Variants in EPHB2 observed in about 807,000 individuals in gnomAD.
The protein encoded by EPHB2 is EPH receptor B2, also known as ephrin type-B receptor 2.
In EPHB2, 18 loss-of-function variants were observed where a neutral mutation model predicts 96.4. The observed-to-expected ratio is 0.19, with a 90% CI of 0.13 to 0.28. EPHB2 has a LOEUF of 0.28. Ranked by LOEUF, EPHB2 falls within the 10% of genes least tolerant of loss-of-function variation. EPHB2 has a pLI of 1.00. For missense variants in EPHB2, 989 were observed against 1,355.4 expected (o/e 0.73, Z 4.25); for synonymous variants, 506 against 534.1 (o/e 0.95, Z 0.72).
intron 3 of EPHB2, among the ~76,000 whole-genome samples, chr1:22,850,643 C>G (rs907982221): frequency 6.6e-6 from 1 of 152,216 alleles, no homozygotes; most frequent in Non-Finnish European, 1.5e-5. Context: ...GAGGCTGCAG[C>G]CTGATGAGCC....
intron 1 of EPHB2, among the ~76,000 whole-genome samples, chr1:22,713,116 T>C (rs1643198115): frequency 6.6e-6 from 1 of 152,070 alleles, no homozygotes; most frequent in South Asian, 2.1e-4. Flanking sequence ...GGACTGCCAC[T>C]TGGGGGCAGG....
intron 3 of EPHB2, among the ~76,000 whole-genome samples, chr1:22,830,099 T>C (rs1489466536): frequency 3.3e-5 from 5 of 152,100 alleles, no homozygotes; most frequent in African/African-American, 1.2e-4. Context: ...TTTCCTTCCT[T>C]TAGAAACAAG....
intron 3 of EPHB2, among the ~76,000 whole-genome samples, chr1:22,845,731 C>A (rs982098597): frequency 5.9e-5 from 9 of 152,144 alleles, no homozygotes; most frequent in African/African-American, 1.9e-4. Flanking sequence ...CCCACACACA[C>A]ACGTACACAG....
At chr1:22,878,628 C>T (rs1245626344) in intron 5 of EPHB2, among the ~76,000 whole-genome samples, 2 of 152,238 alleles carry the variant, frequency 1.3e-5, no homozygotes, top group Non-Finnish European at 2.9e-5. Flanking sequence ...GCGTCCTGGC[C>T]AGGTGAGGGT....
At chr1:22,873,080 A>G (rs1368151481) in intron 5 of EPHB2, among the ~76,000 whole-genome samples, 2 of 152,260 alleles carry the variant, frequency 1.3e-5, no homozygotes, top group Admixed American at 1.3e-4. Context: ...AATAACAGAT[A>G]GCCACTGCCA....
At chr1:22,745,251 G>A (rs1010399945) in intron 1 of EPHB2, among the ~76,000 whole-genome samples, 2 of 152,188 alleles carry the variant, frequency 1.3e-5, no homozygotes, top group Non-Finnish European at 2.9e-5. Context: ...GGAATATGAC[G>A]CAGGAATAAA....
intron 1 of EPHB2, among the ~76,000 whole-genome samples, chr1:22,724,445 C>T (rs76014893): frequency 0.042 from 6,385 of 152,254 alleles, 359 homozygotes; most frequent in African/African-American, 0.13. Flanking sequence ...AGTAACTGGT[C>T]TTACCCGCAG....
At chr1:22,768,721 G>A (rs1368709058) in intron 1 of EPHB2, among the ~76,000 whole-genome samples, 1 of 146,200 alleles carries the variant, frequency 6.8e-6, no homozygotes, top group Non-Finnish European at 1.6e-5. Flanking sequence ...ACTCTTTGTG[G>A]TGTCTGGAGT....
At chr1:22,879,444 C>T (rs535608504) in intron 5 of EPHB2, among the ~76,000 whole-genome samples, 23 of 152,202 alleles carry the variant, frequency 1.5e-4, no homozygotes, top group Non-Finnish European at 2.5e-4. Context: ...GCTGGATCCT[C>T]GGCAGTCCAG....
chr1:22,741,321 C>T (rs888495176), intron 1 of EPHB2, among the ~76,000 whole-genome samples: 1 of 152,108 alleles, frequency 6.6e-6, no homozygotes, highest in Non-Finnish European at 1.5e-5. Context: ...TTTATCCTCC[C>T]CCTAAGTAAA....
At chr1:22,749,919 G>C (rs1644037026) in intron 1 of EPHB2, among the ~76,000 whole-genome samples, 2 of 152,150 alleles carry the variant, frequency 1.3e-5, no homozygotes, top group South Asian at 4.2e-4. Flanking sequence ...CGTGTGGTTT[G>C]ACAAAGGACT....
chr1:22,835,433 C>T lies in EPHB2; in HGVS notation c.812-27604C>T, dbSNP rs576058750. Among the ~76,000 whole-genome samples, 18 of 151,692 alleles carry T rather than the reference C, an allele frequency of 1.2e-4. No homozygotes were observed. The South Asian group carries it at 3.5e-3, about 30-fold the overall frequency. On this transcript the variant is annotated intron_variant, in intron 3 of 15. Coordinates refer to ENST00000374630, the MANE Select transcript of EPHB2 (RefSeq NM_017449.5). ...AGGACATAACAGGAAGATGTGTACA[C>T]ACATACACACATATGTGTACAGAGA... is the stretch of plus-strand genomic sequence containing the variant.
intron 5 of EPHB2, 78 bp downstream of exon 5, chr1:22,865,290 C>G: frequency 6.6e-7 from 1 of 1,509,276 alleles, no homozygotes. Context: ...TCACAAAAGA[C>G]TCCTTCACAT....
chr1:22,720,117 G>A (rs1172005227), intron 1 of EPHB2, among the ~76,000 whole-genome samples: 1 of 152,126 alleles, frequency 6.6e-6, no homozygotes, highest in Admixed American at 6.6e-5. Flanking sequence ...AGTCTAGACT[G>A]CGCCTCTATC....
At chr1:22,826,984 A>T (rs1645233814) in intron 3 of EPHB2, among the ~76,000 whole-genome samples, 1 of 152,166 alleles carries the variant, frequency 6.6e-6, no homozygotes, top group Non-Finnish European at 1.5e-5. Flanking sequence ...CCTCCAGTTG[A>T]TCTTTGCTTT....
At chr1:22,903,340 A>G (rs1266971299) in intron 9 of EPHB2, among the ~76,000 whole-genome samples, 5 of 152,238 alleles carry the variant, frequency 3.3e-5, no homozygotes, top group Non-Finnish European at 7.3e-5. Context: ...ACCACAGGGC[A>G]TGCATTGAGT....
At chr1:22,893,408 A>G (rs1570448134) in intron 7 of EPHB2, among the ~76,000 whole-genome samples, 1 of 152,228 alleles carries the variant, frequency 6.6e-6, no homozygotes, top group African/African-American at 2.4e-5. Context: ...ACACAACTCC[A>G]GTGACTTACA....
At chr1:22,873,495 G>A (rs75643531) in intron 5 of EPHB2, among the ~76,000 whole-genome samples, 8 of 152,180 alleles carry the variant, frequency 5.3e-5, no homozygotes, top group Non-Finnish European at 8.8e-5. Context: ...CACAAGACAC[G>A]TGGCCAAGCG....
chr1:22,736,499 TCA>T (rs1643831706), intron 1 of EPHB2, among the ~76,000 whole-genome samples: 1 of 152,190 alleles, frequency 6.6e-6, no homozygotes, highest in African/African-American at 2.4e-5. Context: ...CCCGCCTCAG[TCA>T]CTGTGTTGGC....
Sources: gnomAD v4.1 joint callset for allele counts (sites outside exome capture counted in the v4.1 genomes callset) on GRCh38, gnomAD v4.1.1 for gene constraint, MANE v1.5 for transcripts, NCBI Gene and HGNC (gene_info 2026-07-23, HGNC 2026-07-21) for gene names.